Variants in LDLRAD4 observed in about 807,000 individuals in gnomAD.
The protein encoded by LDLRAD4 is low density lipoprotein receptor class A domain containing 4.
In LDLRAD4, 5 loss-of-function variants were observed where a neutral mutation model predicts 17.0. The ratio of observed to expected loss-of-function variants is 0.29; its 90% CI spans 0.15 to 0.62. The LOEUF (loss-of-function observed/expected upper bound fraction) is 0.62, where lower values mean the gene tolerates loss of function less well. Ranked by LOEUF, LDLRAD4 falls within the 20% of genes least tolerant of loss-of-function variation. The probability of loss-of-function intolerance (pLI) is 0.84; values close to 1 mark genes in which losing one functional copy is unlikely to be tolerated. For missense variants in LDLRAD4, 340 were observed against 424.7 expected, an observed-to-expected ratio of 0.80 and a Z score of 1.75; for synonymous variants, 168 against 171.8, an observed-to-expected ratio of 0.98 and a Z score of 0.17.
chr18:13,334,156 A>G (rs2081994472), intron 1 of LDLRAD4, among the ~76,000 whole-genome samples: 1 of 152,078 alleles, frequency 6.6e-6, no homozygotes, highest in African/African-American at 2.4e-5. Flanking sequence ...TTCTTTTGGG[A>G]GTGATAATTT....
chr18:13,501,752 C>T (rs972966364), intron 3 of LDLRAD4, among the ~76,000 whole-genome samples: 1 of 152,084 alleles, frequency 6.6e-6, no homozygotes, highest in African/African-American at 2.4e-5. Context: ...CACGCATGTC[C>T]CTCTCTCTGA....
chr18:13,406,802 A>G (rs1340553291), intron 2 of LDLRAD4, among the ~76,000 whole-genome samples: 2 of 152,132 alleles, frequency 1.3e-5, no homozygotes, highest in East Asian at 3.9e-4. Context: ...GGGCCTCTGC[A>G]CACTCACGGG....
intron 1 of LDLRAD4, among the ~76,000 whole-genome samples, chr18:13,259,533 G>A (rs1408650760): frequency 2.0e-5 from 3 of 152,164 alleles, no homozygotes; most frequent in Admixed American, 1.3e-4. Flanking sequence ...AACATCCCAC[G>A]TCGGTAGCTC....
At chr18:13,460,575 AT>A (rs1436846484) in intron 3 of LDLRAD4, among the ~76,000 whole-genome samples, 3 of 152,168 alleles carry the variant, frequency 2.0e-5, no homozygotes, top group African/African-American at 7.2e-5. Flanking sequence ...TTTCTAAGAG[AT>A]TTGGTGCTGA....
At chr18:13,433,015 C>A (rs2090442608) in intron 2 of LDLRAD4, among the ~76,000 whole-genome samples, 2 of 152,218 alleles carry the variant, frequency 1.3e-5, no homozygotes, top group African/African-American at 2.4e-5. Context: ...CTATGCCCAG[C>A]CTGAATTTTC....
chr18:13,368,098 G>C (rs1411479054), intron 1 of LDLRAD4, among the ~76,000 whole-genome samples: 1 of 152,128 alleles, frequency 6.6e-6, no homozygotes, highest in Non-Finnish European at 1.5e-5. Flanking sequence ...GGGTATATCT[G>C]GGGGTGGTGC....
chr18:13,491,105 G>T (rs2147105458), intron 3 of LDLRAD4: 1 of 152,364 alleles, frequency 6.6e-6, no homozygotes, highest in South Asian at 2.1e-4. Flanking sequence ...TCATGGGAAA[G>T]GCCGCAGACC....
At chr18:13,234,065 G>C (rs2042216055) in intron 1 of LDLRAD4, among the ~76,000 whole-genome samples, 1 of 152,184 alleles carries the variant, frequency 6.6e-6, no homozygotes, top group Admixed American at 6.5e-5. Context: ...GTCCCAATAT[G>C]ATCACTTTTC....
chr18:13,480,647 G>A (rs2093060589), intron 3 of LDLRAD4, among the ~76,000 whole-genome samples: 1 of 152,224 alleles, frequency 6.6e-6, no homozygotes, highest in Non-Finnish European at 1.5e-5. Context: ...GGCTGTGCGT[G>A]TGTTGGGGGT....
chr18:13,610,472 G>GAGA (rs1601695456), intron 3 of LDLRAD4, among the ~76,000 whole-genome samples: 2 of 151,688 alleles, frequency 1.3e-5, no homozygotes, highest in East Asian at 3.9e-4. Context: ...ATTTTTAGTA[G>GAGA]AGACGGGTTT....
At chr18:13,625,170 C>T (rs2041019632) in intron 4 of LDLRAD4, among the ~76,000 whole-genome samples, 1 of 152,176 alleles carries the variant, frequency 6.6e-6, no homozygotes, top group Non-Finnish European at 1.5e-5. Context: ...TGTAGAGACC[C>T]ACCCCAGGGC....
chr18:13,239,494 T>C (rs1242793484), intron 1 of LDLRAD4: 1 of 152,234 alleles, frequency 6.6e-6, no homozygotes, highest in East Asian at 1.9e-4. Context: ...AATTAGCTAG[T>C]GAATTAACCA....
rs968867755 is a variant in LDLRAD4, at chr18:13,583,813, G to A, written c.182-37304G>A. Among the ~76,000 whole-genome samples the A allele has an allele frequency of 2.0e-5, 3 of 152,052 alleles. No homozygotes were observed. The East Asian group carries it at 5.8e-4, about 29-fold the overall frequency. Reference sequence around the variant, plus strand: ...GCGGAGTCTTATTGTTGTGTCTCTCGCTTTGCCTTTCACAGTTCTGGCATG... The same window carrying A: ...GCGGAGTCTTATTGTTGTGTCTCTCACTTTGCCTTTCACAGTTCTGGCATG... On this transcript the variant is annotated intron_variant, in intron 3 of 5. Transcript: ENST00000359446.
chr18:13,354,218 T>TC (rs1360788193), intron 1 of LDLRAD4, among the ~76,000 whole-genome samples: 2 of 152,058 alleles, frequency 1.3e-5, no homozygotes, highest in South Asian at 2.1e-4. Context: ...AGACCCAGTC[T>TC]CTAAAAAAAG....
At position 13,398,238 on chromosome 18, in the gene LDLRAD4, G is replaced by T. The variant is rs2086864006; in HGVS notation, c.40+10476G>T. Reference sequence around the variant, plus strand: ...CTAAGCATTTGATGGGGTTGTCTGTGTTCTAAGTTGGAAAATACAAACTTT... The same window carrying T: ...CTAAGCATTTGATGGGGTTGTCTGTTTTCTAAGTTGGAAAATACAAACTTT... On this transcript the variant is annotated intron_variant, in intron 2 of 5. Coordinates refer to ENST00000359446, the Ensembl canonical transcript of LDLRAD4. The surrounding 1 kb of genome is among the most constrained non-coding windows in gnomAD (Gnocchi z 4.8). Among the ~76,000 whole-genome samples, 1 of 152,166 alleles carries T rather than the reference G, an allele frequency of 6.6e-6. No individual in the cohort carries two copies. The highest frequency in any genetic ancestry group is 6.5e-5 in the Admixed American group (1 of 15,274).
At chr18:13,266,970 T>G (rs1478610421) in intron 1 of LDLRAD4, among the ~76,000 whole-genome samples, 1 of 152,264 alleles carries the variant, frequency 6.6e-6, no homozygotes, top group Non-Finnish European at 1.5e-5. Context: ...GTGGAATCTC[T>G]TTGTGAAAGA....
intron 3 of LDLRAD4, among the ~76,000 whole-genome samples, chr18:13,509,807 C>A (rs998184140): frequency 6.6e-6 from 1 of 152,128 alleles, no homozygotes; most frequent in Admixed American, 6.5e-5. Context: ...CCACAGCTAC[C>A]CCAGCCTTCA....
chr18:13,604,141 G>T (rs2095195767), intron 3 of LDLRAD4, among the ~76,000 whole-genome samples: 1 of 152,204 alleles, frequency 6.6e-6, no homozygotes. Context: ...CTGATATATG[G>T]CTTAGTATAT....
In LDLRAD4 at chr18:13,645,078, T is replaced by A. The variant is rs765006820; in HGVS notation, c.391-49T>A. Reference sequence around the variant, plus strand: ...TTCCTTGATTCTGACACATTTATGGTCATCATTGCGCTCAAACTGTCTTCA... The same window carrying A: ...TTCCTTGATTCTGACACATTTATGGACATCATTGCGCTCAAACTGTCTTCA... On this transcript the variant is annotated intron_variant, in intron 5 of 5. Coordinates refer to ENST00000359446, the Ensembl canonical transcript of LDLRAD4. This position sits in a 1 kb window ranked among gnomAD's most constrained non-coding sequence, Gnocchi z 5.7. 1.3e-5 allele frequency: 19 copies of A among 1,477,774 alleles called. No individual in the cohort carries two copies. The East Asian group carries it at 4.1e-4, about 32-fold the overall frequency. 91.5% of individuals were successfully genotyped at this position (1,477,774 alleles called of 1,614,324 possible).
Sources: gnomAD v4.1 joint callset for allele counts (sites outside exome capture counted in the v4.1 genomes callset) on GRCh38, gnomAD v4.1.1 for gene constraint, Gnocchi (gnomAD v3.1) non-coding constraint, MANE v1.5 for transcripts, NCBI Gene and HGNC (gene_info 2026-07-23, HGNC 2026-07-21) for gene names.